The following ADAMTSL1 variants were observed in gnomAD, a reference collection of about 807,000 sequenced individuals.
The protein encoded by ADAMTSL1 is ADAMTS like 1.
A neutral mutation model predicts 201.8 loss-of-function variants in ADAMTSL1; 126 were observed. The observed-to-expected ratio is 0.62, with a 90% CI of 0.54 to 0.72. The LOEUF is 0.72. ADAMTSL1 is among the 30% of genes least tolerant of loss of function. ADAMTSL1 has a pLI of 0.00. For missense variants in ADAMTSL1, 2,679 were observed against 2,277.8 expected (o/e 1.18, Z -3.59); for synonymous variants, 1,121 against 903.4 (o/e 1.24, Z -4.32).
intron 2 of ADAMTSL1, among the ~76,000 whole-genome samples, chr9:18,287,415 A>C (rs967264484): frequency 1.3e-5 from 2 of 151,750 alleles, no homozygotes; most frequent in Admixed American, 6.6e-5. Flanking sequence ...ACATATATTT[A>C]TATATCTGTA....
At chr9:18,160,071 A>G (rs1827317814) in intron 1 of ADAMTSL1, among the ~76,000 whole-genome samples, 1 of 152,034 alleles carries the variant, frequency 6.6e-6, no homozygotes, top group Non-Finnish European at 1.5e-5. Context: ...TTGTTCTACA[A>G]CAACAGATTT....
intron 1 of ADAMTSL1, among the ~76,000 whole-genome samples, chr9:18,078,481 G>A (rs981028082): frequency 4.6e-5 from 7 of 152,044 alleles, no homozygotes; most frequent in African/African-American, 7.2e-5. Context: ...TCAGAGTTTC[G>A]CTGACTAACT....
chr9:18,540,294 A>G (rs1820047007), intron 3 of ADAMTSL1, among the ~76,000 whole-genome samples: 1 of 152,216 alleles, frequency 6.6e-6, no homozygotes, highest in African/African-American at 2.4e-5. Context: ...AAAAGAGGAC[A>G]GTTTCATATA....
chr9:18,713,133 C>T (rs942429129), intron 14 of ADAMTSL1, among the ~76,000 whole-genome samples: 10 of 151,008 alleles, frequency 6.6e-5, no homozygotes, highest in Admixed American at 1.3e-4. Flanking sequence ...CGGTACCAGC[C>T]GCTGCAAAAT....
chr9:18,891,589 T>A (rs1391349478), intron 25 of ADAMTSL1, among the ~76,000 whole-genome samples: 1 of 152,236 alleles, frequency 6.6e-6, no homozygotes, highest in Non-Finnish European at 1.5e-5. Flanking sequence ...GAACCTAACA[T>A]TCAGAGAACA....
chr9:18,359,249 C>CGAT (rs1563911004), intron 2 of ADAMTSL1, among the ~76,000 whole-genome samples: 1 of 152,160 alleles, frequency 6.6e-6, no homozygotes, highest in African/African-American at 2.4e-5. Flanking sequence ...TTCCCTCTAT[C>CGAT]GGGGCCCTTT....
intron 13 of ADAMTSL1, among the ~76,000 whole-genome samples, chr9:18,688,825 A>G (rs1350839472): frequency 6.7e-6 from 1 of 149,856 alleles, no homozygotes; most frequent in Non-Finnish European, 1.5e-5. Context: ...CTGACTGTTG[A>G]GGTAGACTTC....
chr9:18,141,258 C>A (rs1181165130), intron 1 of ADAMTSL1, among the ~76,000 whole-genome samples: 2 of 152,158 alleles, frequency 1.3e-5, no homozygotes, highest in Non-Finnish European at 2.9e-5. Flanking sequence ...AGTGGAAGAG[C>A]AGTTGAAGGA....
chr9:18,723,132 G>T (rs376724345), intron 15 of ADAMTSL1: 12 of 747,296 alleles, frequency 1.6e-5, no homozygotes, highest in Admixed American at 3.7e-5. Flanking sequence ...CGAGGTGTCT[G>T]CCCTTTATGT....
intron 10 of ADAMTSL1, among the ~76,000 whole-genome samples, chr9:18,679,281 A>G (rs887014003): frequency 6.6e-6 from 1 of 152,212 alleles, no homozygotes; most frequent in African/African-American, 2.4e-5. Flanking sequence ...TTAAAATTAT[A>G]TCTCTCATAA....
intron 26 of ADAMTSL1, among the ~76,000 whole-genome samples, chr9:18,893,301 G>A (rs1262588800): frequency 2.0e-5 from 3 of 152,020 alleles, no homozygotes; most frequent in South Asian, 2.1e-4. Flanking sequence ...AAACAGATCC[G>A]GCTACAAATG....
intron 8 of ADAMTSL1, 45 bp from the exon 9 acceptor site, chr9:18,661,890 A>G (rs755224993): frequency 6.3e-7 from 1 of 1,578,070 alleles, no homozygotes; most frequent in Non-Finnish European, 8.6e-7. Context: ...AATATATTGC[A>G]TTGGCATGTA....
intron 16 of ADAMTSL1, among the ~76,000 whole-genome samples, chr9:18,762,119 C>T (rs1204161775): frequency 6.6e-6 from 1 of 152,174 alleles, no homozygotes; most frequent in Non-Finnish European, 1.5e-5. Context: ...TGCTCTTTGC[C>T]AGATACTCTA....
intron 23 of ADAMTSL1, among the ~76,000 whole-genome samples, chr9:18,838,825 A>G (rs954172206): frequency 1.3e-5 from 2 of 151,192 alleles, no homozygotes; most frequent in Admixed American, 6.6e-5. Context: ...CAAGTGAGCT[A>G]TAATCGCACC....
intron 2 of ADAMTSL1, among the ~76,000 whole-genome samples, chr9:18,354,973 T>TAAAC (rs1278317417): frequency 1.8e-4 from 28 of 151,900 alleles, no homozygotes; most frequent in African/African-American, 6.3e-4. Flanking sequence ...TCCATCTCTA[T>TAAAC]AAATAAACAA....
At chr9:18,270,076 T>C (rs917484587) in intron 2 of ADAMTSL1, among the ~76,000 whole-genome samples, 15 of 152,100 alleles carry the variant, frequency 9.9e-5, no homozygotes, top group African/African-American at 3.1e-4. Flanking sequence ...ATACCATTGA[T>C]TGGGGAGCTT....
At chr9:18,788,832 CTTG>C (rs1425353366) in intron 19 of ADAMTSL1, among the ~76,000 whole-genome samples, 1 of 148,392 alleles carries the variant, frequency 6.7e-6, no homozygotes, top group Non-Finnish European at 1.5e-5. Flanking sequence ...CTCATTTGCT[CTTG>C]TTTGTATTCC....
At chr9:18,676,401 C>A (rs1830133282) in intron 10 of ADAMTSL1, among the ~76,000 whole-genome samples, 1 of 151,958 alleles carries the variant, frequency 6.6e-6, no homozygotes. Context: ...GTATAAAAGG[C>A]AATTTTTTAA....
At chr9:18,692,320 C>T (rs961559488) in intron 13 of ADAMTSL1, among the ~76,000 whole-genome samples, 8 of 152,184 alleles carry the variant, frequency 5.3e-5, no homozygotes, top group Admixed American at 4.6e-4. Flanking sequence ...GCAGAAACAG[C>T]AGAATCAATA....
Sources: allele counts gnomAD v4.1 joint callset (sites outside exome capture counted in the v4.1 genomes callset), GRCh38; gene constraint gnomAD v4.1.1; transcripts MANE v1.5; gene names NCBI Gene and HGNC (gene_info 2026-07-23, HGNC 2026-07-21).